Variants in ORC4 observed in about 807,000 individuals in gnomAD.
The protein encoded by ORC4 is origin recognition complex subunit 4.
In ORC4, 55 loss-of-function variants were observed where a neutral mutation model predicts 63.9. The observed-to-expected ratio is 0.86, with a 90% confidence interval of 0.69 to 1.08. The LOEUF (loss-of-function observed/expected upper bound fraction) is 1.08, where lower values mean the gene tolerates loss of function less well. ORC4 is among the 50% of genes least tolerant of loss of function. The pLI is 0.00. For synonymous variants in ORC4, 150 were observed against 168.5 expected (o/e 0.89, Z 0.85); for missense variants, 511 against 504.4 (o/e 1.01, Z -0.13).
chr2:147,991,915 G>A (rs927442280), intron 1 of ORC4, among the ~76,000 whole-genome samples: 2 of 152,190 alleles, frequency 1.3e-5, no homozygotes, highest in African/African-American at 2.4e-5. Context: ...TATCAATTCT[G>A]CAGTAGTGTT....
chr2:148,003,934 C>T (rs1176844804), intron 1 of ORC4, among the ~76,000 whole-genome samples: 2 of 152,106 alleles, frequency 1.3e-5, no homozygotes, highest in Non-Finnish European at 2.9e-5. Flanking sequence ...AATCAATGTG[C>T]AAAAATAACA....
intron 1 of ORC4, among the ~76,000 whole-genome samples, chr2:148,020,024 A>G (rs1693599401): frequency 1.3e-5 from 2 of 152,300 alleles, no homozygotes; most frequent in Non-Finnish European, 1.5e-5. Context: ...TCAATCGTAG[A>G]ACTCAACATT....
In ORC4 at chr2:147,943,510, C is replaced by T. The variant is rs1266932649; in HGVS notation, c.775G>A (p.Asp259Asn). Residue 259 changes from aspartate to asparagine, a missense_variant, in exon 10 of 14, where the codon GAT (aspartate) becomes AAT (asparagine). Physicochemically the swap from Asp to Asn is conservative, Grantham distance 23. Coordinates refer to ENST00000392857, the MANE Select transcript of ORC4 (RefSeq NM_181741.4). The stretch of plus-strand genomic sequence containing the variant: ...TGTAGTACTTCTTGCACACTTCTAT[C>T]TTCTGAGAGATACTAAAAGGAAAAA... Reference protein sequence around the residue: ...WNENVQYLSEDRSVQEVLQKH... With the variant: ...WNENVQYLSENRSVQEVLQKH... 6.7e-7 allele frequency: 1 copy of T among 1,485,148 alleles called. No homozygotes were observed. Among genetic ancestry groups the T allele is most frequent in the East Asian group, 2.3e-5 (1 of 43,902 alleles). 92.0% of individuals were successfully genotyped at this position (1,485,148 alleles called of 1,614,324 possible).
At chr2:148,014,260 T>C (rs911380604) in intron 1 of ORC4, among the ~76,000 whole-genome samples, 4 of 152,152 alleles carry the variant, frequency 2.6e-5, no homozygotes, top group African/African-American at 9.7e-5. Context: ...TCAGATAAAC[T>C]ACCCAATTTA....
chr2:147,955,191 T>C (rs997144731), intron 7 of ORC4, among the ~76,000 whole-genome samples, 156 bp downstream of exon 7: 45 of 151,726 alleles, frequency 3.0e-4, no homozygotes, highest in African/African-American at 9.2e-4. Context: ...ATCACTGTTA[T>C]AGTGGTGGGA....
intron 1 of ORC4, among the ~76,000 whole-genome samples, chr2:147,976,401 T>C (rs1690560267): frequency 6.6e-6 from 1 of 152,182 alleles, no homozygotes; most frequent in African/African-American, 2.4e-5. Context: ...ACTGTAAATA[T>C]AAATTTTATA....
At chr2:147,942,875 G>T (rs1267104320) in intron 10 of ORC4, among the ~76,000 whole-genome samples, 1 of 151,918 alleles carries the variant, frequency 6.6e-6, no homozygotes, top group Non-Finnish European at 1.5e-5. Context: ...CTTAGAATAA[G>T]TGAGTTCAGC....
At chr2:148,003,009 A>G (rs984238238) in intron 1 of ORC4, among the ~76,000 whole-genome samples, 1 of 152,262 alleles carries the variant, frequency 6.6e-6, no homozygotes, top group Non-Finnish European at 1.5e-5. Flanking sequence ...TAGAAAATCT[A>G]GAAGAAATGG....
At chr2:147,988,483 T>C (rs536427082) in intron 1 of ORC4, among the ~76,000 whole-genome samples, 82 of 151,570 alleles carry the variant, frequency 5.4e-4, no homozygotes, top group African/African-American at 1.9e-3. Context: ...CCTCAGGAGA[T>C]AGGAGCTGGG....
intron 7 of ORC4, among the ~76,000 whole-genome samples, chr2:147,953,546 GTTTA>G (rs1689080601): frequency 6.6e-6 from 1 of 152,228 alleles, no homozygotes; most frequent in South Asian, 2.1e-4. Flanking sequence ...AAAGAGAGTT[GTTTA>G]TTTAGTAGAA....
At chr2:147,963,400 C>G (rs1689719002) in intron 4 of ORC4, among the ~76,000 whole-genome samples, 1 of 152,142 alleles carries the variant, frequency 6.6e-6, no homozygotes, top group Admixed American at 6.5e-5. Flanking sequence ...TGAGAAACAG[C>G]CTCACAGGAC....
chr2:147,998,505 G>A (rs903688482), intron 1 of ORC4, among the ~76,000 whole-genome samples: 5 of 152,138 alleles, frequency 3.3e-5, no homozygotes. Context: ...TTGTTATAAG[G>A]CCACTATGCA....
intron 1 of ORC4, among the ~76,000 whole-genome samples, chr2:148,005,896 A>G (rs1692598783): frequency 6.6e-6 from 1 of 152,080 alleles, no homozygotes; most frequent in African/African-American, 2.4e-5. Flanking sequence ...GGATCACTTC[A>G]GCCCAGGAGG....
intron 4 of ORC4, among the ~76,000 whole-genome samples, chr2:147,964,731 T>C (rs1689799881): frequency 2.0e-5 from 3 of 152,328 alleles, no homozygotes; most frequent in Middle Eastern, 6.8e-3. Context: ...ATACTAACAG[T>C]AGATTTCTTC....
At chr2:148,017,659 G>A (rs768612932) in intron 1 of ORC4, among the ~76,000 whole-genome samples, 2 of 152,174 alleles carry the variant, frequency 1.3e-5, no homozygotes, top group Non-Finnish European at 2.9e-5. Context: ...GCAACAGAGC[G>A]AGACTCCATC....
intron 1 of ORC4, among the ~76,000 whole-genome samples, chr2:148,015,361 C>CTGGG (rs1693216409): frequency 7.7e-6 from 1 of 129,922 alleles, no homozygotes; most frequent in Non-Finnish European, 1.5e-5. Flanking sequence ...GTTGCCCAGG[C>CTGGG]TGGGCTGCAG....
intron 13 of ORC4, 44 bp downstream of exon 13, chr2:147,938,102 A>G: frequency 2.3e-6 from 3 of 1,322,218 alleles, no homozygotes; most frequent in Non-Finnish European, 3.3e-6. Flanking sequence ...TGGATGTAAA[A>G]AATATACTTG....
At chr2:147,995,801 G>A (rs989995423) in intron 1 of ORC4, among the ~76,000 whole-genome samples, 5 of 152,120 alleles carry the variant, frequency 3.3e-5, no homozygotes, top group Non-Finnish European at 5.9e-5. Flanking sequence ...CCATCTTTAA[G>A]AGCTTTAACA....
intron 13 of ORC4, among the ~76,000 whole-genome samples, chr2:147,937,184 A>G (rs1472236080): frequency 6.6e-6 from 1 of 152,132 alleles, no homozygotes; most frequent in African/African-American, 2.4e-5. Context: ...TGTTGCTACA[A>G]GAAATGAAAT....
Sources: allele counts gnomAD v4.1 joint callset (sites outside exome capture counted in the v4.1 genomes callset), GRCh38; gene constraint gnomAD v4.1.1; transcripts MANE v1.5; gene names NCBI Gene and HGNC (gene_info 2026-07-23, HGNC 2026-07-21).